The following ASCC3 variants were observed in gnomAD, a reference collection of about 807,000 sequenced individuals.
The protein encoded by ASCC3 is activating signal cointegrator 1 complex subunit 3, also known as ASC-1 complex subunit P200.
In ASCC3, 158 loss-of-function variants were observed where a neutral mutation model predicts 256.3. That is an observed-to-expected ratio of 0.62 (90% CI 0.54 to 0.70). The LOEUF is 0.70. ASCC3 is among the 30% of genes least tolerant of loss of function. The pLI, the probability that ASCC3 is intolerant of heterozygous loss-of-function variation, is 0.00. For missense variants in ASCC3, 2,259 were observed against 2,626.0 expected, an observed-to-expected ratio of 0.86 and a Z score of 3.05; for synonymous variants, 948 against 883.4, an observed-to-expected ratio of 1.07 and a Z score of -1.30.
chr6:100,658,802 A>G (rs1404171163), intron 16 of ASCC3, among the ~76,000 whole-genome samples: 2 of 151,670 alleles, frequency 1.3e-5, no homozygotes, highest in East Asian at 3.9e-4. Context: ...CTGACATTCT[A>G]CAGAGATGAG....
At chr6:100,581,652 C>G (rs538128705) in intron 36 of ASCC3, among the ~76,000 whole-genome samples, 1 of 152,080 alleles carries the variant, frequency 6.6e-6, no homozygotes, top group Admixed American at 6.6e-5. Context: ...ACATGAAGTC[C>G]TTGCCCATGG....
intron 25 of ASCC3, among the ~76,000 whole-genome samples, chr6:100,637,104 G>A (rs1267145680): frequency 1.3e-5 from 2 of 152,162 alleles, no homozygotes; most frequent in African/African-American, 4.8e-5. Context: ...CAGGTAGAGA[G>A]GAGAAGTCAA....
At chr6:100,674,175 T>C (rs1047914119) in intron 14 of ASCC3, among the ~76,000 whole-genome samples, 1 of 152,052 alleles carries the variant, frequency 6.6e-6, no homozygotes, top group Non-Finnish European at 1.5e-5. Context: ...AAGTATTGAA[T>C]TGATCAATAC....
At chr6:100,630,317 T>C (rs1398020035) in intron 26 of ASCC3, among the ~76,000 whole-genome samples, 1 of 152,180 alleles carries the variant, frequency 6.6e-6, no homozygotes, top group East Asian at 1.9e-4. Flanking sequence ...TTTTATATGT[T>C]ATTTTGAATA....
rs180900346 is a variant in ASCC3 at position 100,775,108 on chromosome 6, G to A, written c.1396-7763C>T. On this transcript the variant is annotated intron_variant, in intron 8 of 41. Transcript: ENST00000369162. Reference sequence around the variant, plus strand: ...GTTACTAAATGAGCATCAAATTACTGAATGAAATAGCCAGGGACTTTTTCA... The same window carrying A: ...GTTACTAAATGAGCATCAAATTACTAAATGAAATAGCCAGGGACTTTTTCA... Among the ~76,000 whole-genome samples the A allele has an allele frequency of 3.5e-4, 53 of 152,232 alleles. 1 individual carries two copies. The highest frequency in any genetic ancestry group is 2.6e-3 in the Admixed American group (40 of 15,292).
intron 30 of ASCC3, among the ~76,000 whole-genome samples, chr6:100,608,142 A>ATC: frequency 7.9e-6 from 1 of 126,918 alleles, no homozygotes; most frequent in African/African-American, 3.0e-5. Context: ...ATATGTATAT[A>ATC]TATCTATATA....
In ASCC3 at chr6:100,652,800, C is replaced by T. The variant is rs1283239111; in HGVS notation, c.2913G>A (p.Glu971=). The stretch of plus-strand genomic sequence containing the variant: ...CAGTTGAGGAAAAATATCCAGTTCG[C>T]TCCTCAAAACGAATCATCTGAGCTT... The part of the protein sequence containing the change: ...LDKAQMIRFE[E]RTGYFSSTDL... Residue 971 remains glutamate, a synonymous_variant, in exon 18 of 42, where the codon GAG becomes GAA. Transcript: ENST00000369162. 1 of 1,613,800 alleles carries T rather than the reference C, an allele frequency of 6.2e-7. No individual in the cohort carries two copies. The highest frequency in any genetic ancestry group is 8.5e-7 in the Non-Finnish European group (1 of 1,179,936).
chr6:100,600,205 GCACACACACACACACACACA>G (rs56886686), intron 34 of ASCC3, among the ~76,000 whole-genome samples: 12 of 145,770 alleles, frequency 8.2e-5, no homozygotes, highest in Admixed American at 8.2e-4. Flanking sequence ...ACATGCACAT[GCACACACACACACACACACA>G]CACACACACA....
intron 13 of ASCC3, among the ~76,000 whole-genome samples, chr6:100,713,841 T>C (rs565840990): frequency 3.3e-5 from 5 of 152,218 alleles, no homozygotes; most frequent in African/African-American, 4.8e-5. Context: ...ATAGTTTATA[T>C]ATTTTCTAAT....
chr6:100,665,209 G>A (rs239221), intron 14 of ASCC3, among the ~76,000 whole-genome samples: 85,549 of 151,894 alleles, frequency 0.56, 24,316 homozygotes, highest in East Asian at 0.73. Context: ...TTCAACCAGC[G>A]TCAGTGGCCA....
chr6:100,772,419 C>T (rs1781983802), intron 8 of ASCC3, among the ~76,000 whole-genome samples: 1 of 151,998 alleles, frequency 6.6e-6, no homozygotes, highest in Non-Finnish European at 1.5e-5. Flanking sequence ...TGTCCATCGA[C>T]AGATAAATGG....
chr6:100,514,634 A>C (rs1319141397), intron 39 of ASCC3, among the ~76,000 whole-genome samples: 2 of 151,784 alleles, frequency 1.3e-5, no homozygotes, highest in Non-Finnish European at 2.9e-5. Flanking sequence ...ATTTATGTAT[A>C]TAAAACATGA....
intron 10 of ASCC3, among the ~76,000 whole-genome samples, chr6:100,734,500 A>T (rs1780054299): frequency 6.6e-6 from 1 of 151,844 alleles, no homozygotes; most frequent in Non-Finnish European, 1.5e-5. Context: ...GGCAACTTAA[A>T]CTCTCCCTGC....
chr6:100,766,834 A>G (rs2115130709), intron 9 of ASCC3, 129 bp from the exon 10 acceptor site: 1 of 1,131,430 alleles, frequency 8.8e-7, no homozygotes, highest in Non-Finnish European at 1.3e-6. Flanking sequence ...AAATCTTAAT[A>G]GTGATATATT....
chr6:100,873,835 C>T lies in ASCC3; in HGVS notation c.-41-5797G>A, dbSNP rs74741266. 0.013 allele frequency among the ~76,000 whole-genome samples: 1,923 copies of T among 152,208 alleles called. 95 individuals carry two copies. The East Asian group carries it at 0.14, about 11-fold the overall frequency. On this transcript the variant is annotated intron_variant, in intron 1 of 41. Coordinates refer to ENST00000369162, the MANE Select transcript of ASCC3 (RefSeq NM_006828.4). ...TTTAGGCAAACAAATGCTCAGAACACGCCACTACCAAGCCAGCACTACAAA... is the reference window on the plus strand; with the variant it reads ...TTTAGGCAAACAAATGCTCAGAACATGCCACTACCAAGCCAGCACTACAAA...
chr6:100,747,242 A>G (rs1207990841), intron 10 of ASCC3, among the ~76,000 whole-genome samples: 1 of 152,090 alleles, frequency 6.6e-6, no homozygotes, highest in Non-Finnish European at 1.5e-5. Context: ...CTAAAATTAC[A>G]AAGAGTACTC....
At chr6:100,742,093 C>T (rs1248820386) in intron 10 of ASCC3, among the ~76,000 whole-genome samples, 1 of 151,352 alleles carries the variant, frequency 6.6e-6, no homozygotes, top group Non-Finnish European at 1.5e-5. Flanking sequence ...GTTTGTTTTT[C>T]TCTTAACAGT....
intron 10 of ASCC3, among the ~76,000 whole-genome samples, chr6:100,727,965 A>C (rs765498243): frequency 1.9e-4 from 29 of 152,124 alleles, no homozygotes; most frequent in Non-Finnish European, 3.7e-4. Flanking sequence ...AAGTCAAAGA[A>C]AGTCTAAAAA....
chr6:100,589,913 T>C (rs1471736193), intron 35 of ASCC3, 35 bp downstream of exon 35: 1 of 1,597,558 alleles, frequency 6.3e-7, no homozygotes, highest in African/African-American at 1.3e-5. Context: ...AGCTGGGCAA[T>C]CTTTTCAATT....
Sources: allele counts gnomAD v4.1 joint callset (sites outside exome capture counted in the v4.1 genomes callset), GRCh38; gene constraint gnomAD v4.1.1; transcripts MANE v1.5; gene names NCBI Gene and HGNC (gene_info 2026-07-23, HGNC 2026-07-21).